The following SCFD2 variants were observed in gnomAD, a reference collection of about 807,000 sequenced individuals.
The protein encoded by SCFD2 is sec1 family domain containing 2.
Under a neutral mutation model 58.9 loss-of-function variants are expected in SCFD2, and 54 were observed. The observed-to-expected ratio is 0.92, with a 90% CI of 0.74 to 1.15. The LOEUF is 1.15. SCFD2 is among the 50% of genes most tolerant of loss of function. The probability of loss-of-function intolerance (pLI) is 0.00; values close to 1 mark genes in which losing one functional copy is unlikely to be tolerated. For missense variants in SCFD2, 805 were observed against 836.6 expected, an observed-to-expected ratio of 0.96 and a Z score of 0.47; for synonymous variants, 321 against 335.9, an observed-to-expected ratio of 0.96 and a Z score of 0.49.
chr4:53,202,820 C>A (rs1728290739), intron 4 of SCFD2, among the ~76,000 whole-genome samples: 1 of 152,050 alleles, frequency 6.6e-6, no homozygotes, highest in Non-Finnish European at 1.5e-5. Flanking sequence ...TGATTTGGCT[C>A]TCTGTTTGTC....
intron 5 of SCFD2, among the ~76,000 whole-genome samples, chr4:53,100,506 C>G (rs1435915290): frequency 2.0e-5 from 3 of 152,168 alleles, no homozygotes; most frequent in Non-Finnish European, 4.4e-5. Context: ...CACTTCCTAT[C>G]CACGCTAGAT....
At chr4:53,088,247 C>G (rs1040468444) in intron 5 of SCFD2, among the ~76,000 whole-genome samples, 4 of 152,158 alleles carry the variant, frequency 2.6e-5, no homozygotes, top group African/African-American at 7.2e-5. Context: ...AAAGATGATT[C>G]CAGAGATCAT....
intron 4 of SCFD2, among the ~76,000 whole-genome samples, chr4:53,173,791 T>C (rs1418445285): frequency 6.6e-6 from 1 of 152,168 alleles, no homozygotes; most frequent in African/African-American, 2.4e-5. Flanking sequence ...ATGTAAAATA[T>C]AACAAGCTAT....
rs188189520 is a variant in SCFD2, at chr4:53,340,374, G to C, written c.1007+12224C>G. 3.3e-3 allele frequency among the ~76,000 whole-genome samples: 498 copies of C among 152,334 alleles called. 3 individuals are homozygous for C. Among genetic ancestry groups the C allele is most frequent in the African/African-American group, 0.011 (468 of 41,560 alleles). On this transcript the variant is annotated intron_variant, in intron 2 of 8. Transcript: ENST00000401642. ...AGCCTCGCTCATTGCTAGCACAGCA[G>C]TCTGAGATCAAACTACAAGGCGGCA...
chr4:53,220,373 A>G lies in SCFD2; in HGVS notation c.1311+53453T>C, dbSNP rs1376481714. Reference sequence around the variant, plus strand: ...TTCTTTACTGTCTGTTTTCTTAACTAGAATGTAAGTTGTGTGAAGGCAGGG... The same window carrying G: ...TTCTTTACTGTCTGTTTTCTTAACTGGAATGTAAGTTGTGTGAAGGCAGGG... On this transcript the variant is annotated intron_variant, in intron 4 of 8. Coordinates refer to ENST00000401642, the MANE Select transcript of SCFD2 (RefSeq NM_152540.4). Among the ~76,000 whole-genome samples, 3 of 152,240 alleles carry G rather than the reference A, an allele frequency of 2.0e-5. No homozygotes were observed. The East Asian group carries it at 5.8e-4, about 29-fold the overall frequency.
At chr4:53,164,990 GAAAA>G (rs1726965691) in intron 4 of SCFD2, among the ~76,000 whole-genome samples, 1 of 152,166 alleles carries the variant, frequency 6.6e-6, no homozygotes, top group African/African-American at 2.4e-5. Flanking sequence ...CCCCATGACT[GAAAA>G]AGTTGTGTTT....
chr4:53,348,513 C>A (rs1203239678), intron 2 of SCFD2, among the ~76,000 whole-genome samples: 1 of 152,172 alleles, frequency 6.6e-6, no homozygotes, highest in Non-Finnish European at 1.5e-5. Flanking sequence ...ATAATTCCCT[C>A]AGTCTTCCAA....
chr4:53,010,141 C>T (rs2148806511), intron 5 of SCFD2, among the ~76,000 whole-genome samples: 1 of 152,282 alleles, frequency 6.6e-6, no homozygotes, highest in African/African-American at 2.4e-5. Flanking sequence ...ATTTGTTTTG[C>T]TGAGTTGATA....
intron 3 of SCFD2, among the ~76,000 whole-genome samples, chr4:53,300,786 T>G (rs900748460): frequency 7.9e-5 from 12 of 152,198 alleles, no homozygotes; most frequent in Non-Finnish European, 1.6e-4. Context: ...GAACTCAGTA[T>G]TAAGAAACTC....
At chr4:53,081,752 G>C (rs866727167) in intron 5 of SCFD2, among the ~76,000 whole-genome samples, 1 of 152,034 alleles carries the variant, frequency 6.6e-6, no homozygotes, top group Non-Finnish European at 1.5e-5. Flanking sequence ...GATTGTACAA[G>C]TGTCATGACT....
At chr4:53,122,258 T>G (rs961693186) in intron 5 of SCFD2, among the ~76,000 whole-genome samples, 3 of 151,888 alleles carry the variant, frequency 2.0e-5, no homozygotes, top group Non-Finnish European at 4.4e-5. Flanking sequence ...GCACATATAA[T>G]CCCAGTTACT....
At chr4:53,243,592 T>C (rs1358166574) in intron 4 of SCFD2, among the ~76,000 whole-genome samples, 1 of 152,070 alleles carries the variant, frequency 6.6e-6, no homozygotes, top group Admixed American at 6.6e-5. Context: ...AATGACCACT[T>C]ATCAACATGA....
intron 5 of SCFD2, among the ~76,000 whole-genome samples, chr4:53,007,339 A>AGAGAGAGAGAGG (rs1560508042): frequency 1.6e-5 from 2 of 128,006 alleles, no homozygotes; most frequent in Non-Finnish European, 3.3e-5. Flanking sequence ...AGAGAGGGAG[A>AGAGAGAGAGAGG]GAGAGAGAGA....
intron 5 of SCFD2, among the ~76,000 whole-genome samples, chr4:53,102,274 G>T (rs1438271883): frequency 6.6e-6 from 1 of 152,128 alleles, no homozygotes; most frequent in East Asian, 1.9e-4. Context: ...AAATAGATCA[G>T]ATTTTTAATA....
intron 7 of SCFD2, among the ~76,000 whole-genome samples, chr4:52,899,313 C>T (rs1217486055): frequency 2.0e-5 from 3 of 152,024 alleles, no homozygotes; most frequent in Non-Finnish European, 4.4e-5. Flanking sequence ...ATGTTTAGTG[C>T]TTCTTTCAGG....
At chr4:52,883,528 T>G (rs2109444713) in intron 8 of SCFD2, among the ~76,000 whole-genome samples, 1 of 152,314 alleles carries the variant, frequency 6.6e-6, no homozygotes, top group African/African-American at 2.4e-5. Flanking sequence ...AGGGTCAGAT[T>G]GCAGCAAAGT....
chr4:53,303,851 G>A (rs1020664068), intron 3 of SCFD2, among the ~76,000 whole-genome samples: 5 of 148,930 alleles, frequency 3.4e-5, no homozygotes, highest in East Asian at 2.0e-4. Flanking sequence ...CTATCGCAAG[G>A]ACAAAAAACC....
chr4:52,944,589 G>T (rs1178255688), intron 5 of SCFD2, among the ~76,000 whole-genome samples: 2 of 152,194 alleles, frequency 1.3e-5, no homozygotes, highest in Admixed American at 1.3e-4. Flanking sequence ...ACCTATGTCT[G>T]TTGTTCTAAT....
chr4:53,229,037 A>T (rs1469672077), intron 4 of SCFD2, among the ~76,000 whole-genome samples: 1 of 152,168 alleles, frequency 6.6e-6, no homozygotes, highest in African/African-American at 2.4e-5. Flanking sequence ...CAAAGAGAAT[A>T]AAAAACCTAG....
Sources: gnomAD v4.1 joint callset for allele counts (sites outside exome capture counted in the v4.1 genomes callset) on GRCh38, gnomAD v4.1.1 for gene constraint, MANE v1.5 for transcripts, NCBI Gene and HGNC (gene_info 2026-07-23, HGNC 2026-07-21) for gene names.